ABHD17B: variants seen among roughly 807,000 people sequenced by gnomAD.
ABHD17B encodes the protein abhydrolase domain containing 17B, depalmitoylase.
ABHD17B carries 9 observed loss-of-function variants against 26.2 expected under a neutral mutation model. The ratio of observed to expected loss-of-function variants is 0.34; its 90% CI spans 0.21 to 0.60. ABHD17B has a LOEUF of 0.60. Ranked by LOEUF, ABHD17B falls within the 20% of genes least tolerant of loss-of-function variation. The pLI is 0.80. For synonymous variants in ABHD17B, 127 were observed against 122.3 expected, an observed-to-expected ratio of 1.04 and a Z score of -0.25; for missense variants, 224 against 352.1, an observed-to-expected ratio of 0.64 and a Z score of 2.91.
Position 71,911,009 on chromosome 9 carries a change from GCCTC to G in ABHD17B, c.-383_-380del. 6.5e-6 allele frequency: 1 copy of G among 154,390 alleles called. No individual in the cohort carries two copies. Among genetic ancestry groups the G allele is most frequent in the East Asian group, 1.9e-4 (1 of 5,262 alleles). 9.6% of individuals were successfully genotyped at this position (154,390 alleles called of 1,614,324 possible). ...CGTGGTCGCAGCCGCCGCCGCCACC[GCCTC>G]CCTTTCTGGCACTGCAGACGCCACC... On this transcript the variant is annotated 5_prime_UTR_variant, in exon 1 of 4. Transcript: ENST00000333421.
chr9:71,882,078 T>C (rs892094124), intron 1 of ABHD17B, among the ~76,000 whole-genome samples: 2 of 152,190 alleles, frequency 1.3e-5, no homozygotes, highest in Non-Finnish European at 2.9e-5. Flanking sequence ...TTCATCTCCA[T>C]TAAGATAGCT....
At chr9:71,892,020 A>G (rs558042343) in intron 1 of ABHD17B, among the ~76,000 whole-genome samples, 100 of 152,294 alleles carry the variant, frequency 6.6e-4, no homozygotes, top group Middle Eastern at 3.4e-3. Flanking sequence ...TACTATTAAA[A>G]AGCTGGTGAC....
intron 2 of ABHD17B, among the ~76,000 whole-genome samples, chr9:71,870,858 G>A (rs1442405306): frequency 1.3e-5 from 2 of 152,146 alleles, no homozygotes; most frequent in African/African-American, 2.4e-5. Context: ...AGATAAAAAA[G>A]AATTCCAAAC....
chr9:71,900,423 G>A (rs1445544327), intron 1 of ABHD17B, among the ~76,000 whole-genome samples: 1 of 152,076 alleles, frequency 6.6e-6, no homozygotes, highest in African/African-American at 2.4e-5. Flanking sequence ...CCAGCACTTT[G>A]GGAGGCTGAG....
intron 1 of ABHD17B, among the ~76,000 whole-genome samples, chr9:71,886,048 T>C (rs1265875035): frequency 6.6e-6 from 1 of 151,944 alleles, no homozygotes; most frequent in Admixed American, 6.6e-5. Context: ...TAAATTTTGA[T>C]ATATTAGATT....
At chr9:71,909,844 G>T (rs7047106) in intron 1 of ABHD17B, among the ~76,000 whole-genome samples, 1 of 152,036 alleles carries the variant, frequency 6.6e-6, no homozygotes, top group Non-Finnish European at 1.5e-5. Context: ...CATTGGCAGA[G>T]ATCTCACCAA....
intron 1 of ABHD17B, among the ~76,000 whole-genome samples, chr9:71,884,611 G>A (rs990881726): frequency 2.0e-5 from 3 of 151,536 alleles, no homozygotes; most frequent in African/African-American, 7.3e-5. Flanking sequence ...TACCAAAGGG[G>A]TAATGGGGAT....
At chr9:71,907,513 T>C (rs1827320074) in intron 1 of ABHD17B, among the ~76,000 whole-genome samples, 1 of 152,106 alleles carries the variant, frequency 6.6e-6, no homozygotes. Flanking sequence ...ACCTCGTTTT[T>C]TGTTTTTGTT....
At chr9:71,892,589 T>C (rs1444174280) in intron 1 of ABHD17B, among the ~76,000 whole-genome samples, 2 of 150,650 alleles carry the variant, frequency 1.3e-5, no homozygotes, top group Non-Finnish European at 2.9e-5. Context: ...AAGTACACTA[T>C]ATTTACCAAA....
At chr9:71,900,532 C>T (rs1827101297) in intron 1 of ABHD17B, among the ~76,000 whole-genome samples, 1 of 151,612 alleles carries the variant, frequency 6.6e-6, no homozygotes, top group Non-Finnish European at 1.5e-5. Flanking sequence ...TGCCTGTAAT[C>T]CCAGGATTAC....
chr9:71,862,687 T>A (rs1589202398), downstream of ABHD17B: 5 of 614,946 alleles, frequency 8.1e-6, no homozygotes, highest in South Asian at 8.6e-5. Flanking sequence ...TAACTGTTTA[T>A]GAAAAATCAC....
intron 3 of ABHD17B, among the ~76,000 whole-genome samples, chr9:71,868,281 C>A (rs373156512): frequency 6.6e-5 from 10 of 152,114 alleles, no homozygotes; most frequent in Middle Eastern, 3.4e-3. Flanking sequence ...ATCAGATCAG[C>A]CCTTTAGTTG....
At chr9:71,907,998 G>C (rs1003713912) in intron 1 of ABHD17B, among the ~76,000 whole-genome samples, 1 of 152,244 alleles carries the variant, frequency 6.6e-6, no homozygotes, top group Admixed American at 6.5e-5. Flanking sequence ...TTCAGGACTA[G>C]AGAAGACCCA....
At chr9:71,864,514 T>C (rs537710247), downstream of ABHD17B, among the ~76,000 whole-genome samples, 17 of 152,224 alleles carry the variant, frequency 1.1e-4, no homozygotes, top group African/African-American at 4.1e-4. Flanking sequence ...CCACCGCCCC[T>C]GGCCCAGTCT....
At chr9:71,885,969 TTA>T (rs1217995429) in intron 1 of ABHD17B, among the ~76,000 whole-genome samples, 5 of 152,214 alleles carry the variant, frequency 3.3e-5, no homozygotes, top group Non-Finnish European at 7.3e-5. Flanking sequence ...AAAAGAATGC[TTA>T]TATCTTTCTT....
intron 1 of ABHD17B, among the ~76,000 whole-genome samples, chr9:71,889,604 G>T (rs937605312): frequency 6.6e-6 from 1 of 152,134 alleles, no homozygotes; most frequent in African/African-American, 2.4e-5. Context: ...GCTCTCTACT[G>T]TAAGTGGGAT....
chr9:71,884,420 T>C (rs1337049117), intron 1 of ABHD17B, among the ~76,000 whole-genome samples: 2 of 152,044 alleles, frequency 1.3e-5, no homozygotes, highest in African/African-American at 2.4e-5. Context: ...ATGCAGATAA[T>C]AGAAAATTAA....
chr9:71,888,984 AT>A (rs1179772709), intron 1 of ABHD17B, among the ~76,000 whole-genome samples: 3 of 151,792 alleles, frequency 2.0e-5, no homozygotes, highest in African/African-American at 7.3e-5. Flanking sequence ...AAGAAATAAC[AT>A]TGCTATTATG....
At chr9:71,877,666 C>T (rs1381969371) in intron 1 of ABHD17B, among the ~76,000 whole-genome samples, 1 of 152,224 alleles carries the variant, frequency 6.6e-6, no homozygotes, top group Non-Finnish European at 1.5e-5. Flanking sequence ...GATCTGCCTG[C>T]CTTGGCCTCC....
Sources: gnomAD v4.1 joint callset for allele counts (sites outside exome capture counted in the v4.1 genomes callset) on GRCh38, gnomAD v4.1.1 for gene constraint, MANE v1.5 for transcripts, NCBI Gene and HGNC (gene_info 2026-07-23, HGNC 2026-07-21) for gene names.